Variants in KANK1 observed in about 807,000 individuals in gnomAD.
KANK1 encodes KN motif and ankyrin repeat domains 1, also known as KN motif and ankyrin repeat domain-containing protein 1.
Under a neutral mutation model 106.2 loss-of-function variants are expected in KANK1, and 109 were observed. The ratio of observed to expected loss-of-function variants is 1.03; its 90% CI spans 0.88 to 1.20. KANK1 has a LOEUF of 1.20. KANK1 is among the 50% of genes most tolerant of loss of function. KANK1 has a pLI of 0.00. For missense variants in KANK1, 2,399 were observed against 1,710.7 expected (o/e 1.40, Z -7.10); for synonymous variants, 873 against 652.2 (o/e 1.34, Z -5.16).
At chr9:654,306 G>T (rs1317837433) in intron 1 of KANK1, among the ~76,000 whole-genome samples, 2 of 152,150 alleles carry the variant, frequency 1.3e-5, no homozygotes. Context: ...GTCTTAGAAG[G>T]CAGGGTGTTT....
chr9:713,220 A>T lies in KANK1; in HGVS notation c.2454A>T (p.Gly818=), dbSNP rs1204939886. The T allele has an allele frequency of 1.9e-6, 3 of 1,596,240 alleles. No homozygotes were observed. Among genetic ancestry groups the T allele is most frequent in the Non-Finnish European group, 2.6e-6 (3 of 1,171,196 alleles). ...ACCCCCAGCCTCAAGCTCCACTTGG[A>T]ATGATGACTGGCCTGGATCACTACA... The part of the protein sequence containing the change: ...LENPQPQAPL[G]MMTGLDHYIE... The change falls in exon 3 of 12, where the codon GGA becomes GGT. Residue 818 remains glycine (G), a synonymous_variant. Transcript: ENST00000382297.
intron 1 of KANK1, among the ~76,000 whole-genome samples, chr9:636,718 T>A (rs769407910): frequency 1.1e-4 from 16 of 152,200 alleles, no homozygotes; most frequent in Non-Finnish European, 2.1e-4. Context: ...ATACAAAAAA[T>A]TAGCCAGATA....
intron 1 of KANK1, among the ~76,000 whole-genome samples, chr9:669,656 C>G (rs1175460222): frequency 6.6e-6 from 1 of 152,026 alleles, no homozygotes; most frequent in East Asian, 1.9e-4. Flanking sequence ...TTAGTATCCT[C>G]TTTTTGTCCT....
intron 1 of KANK1, among the ~76,000 whole-genome samples, chr9:639,551 A>C (rs1002010704): frequency 4.6e-5 from 7 of 152,006 alleles, no homozygotes; most frequent in African/African-American, 1.7e-4. Flanking sequence ...TCCTGGCCTC[A>C]AGTCTTCTGC....
chr9:576,848 A>T (rs1205501520), intron 1 of KANK1, among the ~76,000 whole-genome samples: 1 of 152,172 alleles, frequency 6.6e-6, no homozygotes, highest in Non-Finnish European at 1.5e-5. Flanking sequence ...CTATACTATT[A>T]ACAGAAAGCT....
In KANK1 at chr9:592,889, A is replaced by C. The variant is rs10491598; in HGVS notation, c.-83-84001A>C. The stretch of plus-strand genomic sequence containing the variant: ...CTCCTTGGGTAGTCCTTTGTGCAAA[A>C]CGTAAATGCAGAAACTGCTCATTGA... On this transcript the variant is annotated intron_variant, in intron 1 of 11. Transcript: ENST00000382297. Among the ~76,000 whole-genome samples the C allele has an allele frequency of 2.0e-5, 3 of 151,472 alleles. 1 individual carries two copies. Among genetic ancestry groups the C allele is most frequent in the African/African-American group, 7.3e-5 (3 of 40,880 alleles).
chr9:568,453 T>C (rs180898478), intron 1 of KANK1, among the ~76,000 whole-genome samples: 1 of 152,298 alleles, frequency 6.6e-6, no homozygotes, highest in Non-Finnish European at 1.5e-5. Flanking sequence ...GGGGTTTTTT[T>C]CCTGTCTCTC....
chr9:626,639 G>A (rs556571896), intron 1 of KANK1, among the ~76,000 whole-genome samples: 1 of 152,210 alleles, frequency 6.6e-6, no homozygotes, highest in African/African-American at 2.4e-5. Context: ...AGCCCTATTT[G>A]GCCTCAAATT....
chr9:707,038 G>C (rs772846825), intron 2 of KANK1: 1 of 985,372 alleles, frequency 1.0e-6, no homozygotes, highest in Non-Finnish European at 1.2e-6. Flanking sequence ...AGCTGAGTGC[G>C]GCGGGGGTGG....
chr9:714,354 C>T (rs986053633), intron 3 of KANK1, among the ~76,000 whole-genome samples: 1 of 142,292 alleles, frequency 7.0e-6, no homozygotes, highest in Non-Finnish European at 1.5e-5. Context: ...GGAGTCTTTT[C>T]CCACTCATTT....
intron 3 of KANK1, among the ~76,000 whole-genome samples, chr9:720,229 T>G (rs1828937288): frequency 1.3e-5 from 2 of 152,230 alleles, no homozygotes; most frequent in South Asian, 4.1e-4. Context: ...CCCACTCTGC[T>G]GTCCATTAAC....
intron 1 of KANK1, among the ~76,000 whole-genome samples, chr9:568,183 C>T (rs951750062): frequency 1.3e-5 from 2 of 152,166 alleles, no homozygotes; most frequent in African/African-American, 2.4e-5. Flanking sequence ...ATCTATAATG[C>T]ATGTTAAAAA....
chr9:646,885 A>C (rs1839791195), intron 1 of KANK1, among the ~76,000 whole-genome samples: 1 of 150,454 alleles, frequency 6.6e-6, no homozygotes, highest in Non-Finnish European at 1.5e-5. Context: ...TTTAGTAGAG[A>C]CAGGGTTTCA....
chr9:567,022 T>C (rs1817975844), intron 1 of KANK1, among the ~76,000 whole-genome samples: 1 of 152,174 alleles, frequency 6.6e-6, no homozygotes. Flanking sequence ...TTTTTGTATA[T>C]GATGTAAGGA....
chr9:742,517 G>A, intron 10 of KANK1, 112 bp downstream of exon 10: 4 of 772,776 alleles, frequency 5.2e-6, no homozygotes, highest in Non-Finnish European at 6.1e-6. Flanking sequence ...TCTCCTCTGG[G>A]ATTTGTGTCG....
rs752254886 is a variant in KANK1 at position 711,339 on chromosome 9, C to T, written c.573C>T (p.Gly191=). The T allele has an allele frequency of 2.4e-5, 39 of 1,614,038 alleles. No homozygotes were observed. Among genetic ancestry groups the T allele is most frequent in the Non-Finnish European group, 3.2e-5 (38 of 1,180,044 alleles). The part of the protein sequence containing the change: ...RPRLASFGGM[G]TTSSLPSFVG... ...GGCTGGCCAGTTTTGGAGGCATGGG[C>T]ACCACAAGCTCCCTCCCTTCTTTTG... Residue 191 remains glycine, a synonymous_variant, in exon 3 of 12, where the codon GGC becomes GGT. Transcript: ENST00000382297.
chr9:572,174 A>T (rs1196240565), intron 1 of KANK1, among the ~76,000 whole-genome samples: 1 of 60,380 alleles, frequency 1.7e-5, no homozygotes, highest in Non-Finnish European at 4.0e-5. Context: ...TTTTTTTCTA[A>T]GAGACAGGGT....
rs191758911 is a variant in KANK1, at chr9:598,782, C to G, written c.-83-78108C>G. Among the ~76,000 whole-genome samples, 145 of 148,850 alleles carry G rather than the reference C, an allele frequency of 9.7e-4. 1 individual carries two copies. Among genetic ancestry groups the G allele is most frequent in the African/African-American group, 3.5e-3 (141 of 40,252 alleles). ...AGTAGCTGAGATTACAGGCGCACAC[C>G]ACTACGCCCAGCTAATTTTTTGTAT... On this transcript the variant is annotated intron_variant, in intron 1 of 11. Coordinates refer to ENST00000382297, the MANE Select transcript of KANK1 (RefSeq NM_015158.5).
At position 643,911 on chromosome 9, in the gene KANK1, C is replaced by G. The variant is rs1465491975; in HGVS notation, c.-83-32979C>G. Among the ~76,000 whole-genome samples, 2 of 150,772 alleles carry G rather than the reference C, an allele frequency of 1.3e-5. 1 individual carries two copies. Among genetic ancestry groups the G allele is most frequent in the African/African-American group, 5.0e-5 (2 of 40,106 alleles). The stretch of plus-strand genomic sequence containing the variant: ...AGAGACGGGGTTTCACCATGTTGCC[C>G]AGGCTGGTCTCGAACTCCTGACTTC... On this transcript the variant is annotated intron_variant, in intron 1 of 11. Transcript: ENST00000382297.
Sources: gnomAD v4.1 joint callset for allele counts (sites outside exome capture counted in the v4.1 genomes callset) on GRCh38, gnomAD v4.1.1 for gene constraint, MANE v1.5 for transcripts, NCBI Gene and HGNC (gene_info 2026-07-23, HGNC 2026-07-21) for gene names.